The following LRRFIP1 variants were observed in gnomAD, a reference collection of about 807,000 sequenced individuals.
LRRFIP1 encodes LRR binding FLII interacting protein 1, also known as leucine-rich repeat flightless-interacting protein 1.
Under a neutral mutation model 104.4 loss-of-function variants are expected in LRRFIP1, and 62 were observed. The ratio of observed to expected loss-of-function variants is 0.59; its 90% CI spans 0.48 to 0.73. The LOEUF is 0.73. LRRFIP1 is among the 30% of genes least tolerant of loss of function. The pLI, the probability that LRRFIP1 is intolerant of heterozygous loss-of-function variation, is 0.00. For missense variants in LRRFIP1, 796 were observed against 824.5 expected (o/e 0.97, Z 0.42); for synonymous variants, 300 against 299.0 (o/e 1.00, Z -0.03).
chr2:237,729,439 C>T (rs1037739579), intron 8 of LRRFIP1, among the ~76,000 whole-genome samples: 1 of 127,928 alleles, frequency 7.8e-6, no homozygotes, highest in Non-Finnish European at 1.5e-5. Flanking sequence ...TTTTAGTTAC[C>T]CAAGGAGATA....
intron 7 of LRRFIP1, among the ~76,000 whole-genome samples, chr2:237,727,264 G>T (rs542699773): frequency 4.0e-5 from 6 of 151,492 alleles, no homozygotes; most frequent in African/African-American, 9.7e-5. Context: ...GCTGAGGCAG[G>T]AGAATCACTT....
chr2:237,771,334 C>T (rs2060607523), intron 20 of LRRFIP1, among the ~76,000 whole-genome samples: 1 of 149,300 alleles, frequency 6.7e-6, no homozygotes, highest in African/African-American at 2.5e-5. Flanking sequence ...ATAAATTCCG[C>T]AAAGTTCCAA....
intron 1 of LRRFIP1, among the ~76,000 whole-genome samples, chr2:237,632,136 C>G (rs924182739): frequency 6.6e-6 from 1 of 152,160 alleles, no homozygotes; most frequent in Non-Finnish European, 1.5e-5. Flanking sequence ...CGCACTGCCC[C>G]CAAGGAGTCC....
chr2:237,738,728 G>GGTA (rs1412798831), intron 10 of LRRFIP1, among the ~76,000 whole-genome samples: 1 of 152,216 alleles, frequency 6.6e-6, no homozygotes, highest in East Asian at 1.9e-4. Context: ...CCAGGTAGAA[G>GGTA]GTAATCTGGC....
intron 13 of LRRFIP1, among the ~76,000 whole-genome samples, chr2:237,749,589 C>T (rs2058327725): frequency 6.6e-6 from 1 of 152,060 alleles, no homozygotes; most frequent in South Asian, 2.1e-4. Context: ...CCGGGGAATA[C>T]CTTAGTGAGA....
chr2:237,630,458 G>A (rs1166193097), intron 1 of LRRFIP1, among the ~76,000 whole-genome samples: 2 of 152,332 alleles, frequency 1.3e-5, no homozygotes, highest in East Asian at 3.9e-4. Flanking sequence ...GAAAGGGGTT[G>A]ACACCTGTAG....
Position 237,669,529 on chromosome 2 carries a change from A to C in LRRFIP1, c.97-39015A>C, listed in dbSNP as rs577634672. On this transcript the variant is annotated intron_variant, in intron 1 of 23. Coordinates refer to ENST00000308482, the MANE Select transcript of LRRFIP1 (RefSeq NM_001137550.2). ...ATTAACCTTTTTCATAGTTGTTGCA[A>C]ATATTTTTTTTCAGTTTAGATTAGG... 4.6e-5 allele frequency among the ~76,000 whole-genome samples: 7 copies of C among 152,316 alleles called. No individual in the cohort carries two copies. The East Asian group carries it at 9.6e-4, about 21-fold the overall frequency.
rs1056385697 is a variant in LRRFIP1, at chr2:237,750,623, G to A, written c.796-577G>A. 3.9e-5 allele frequency among the ~76,000 whole-genome samples: 6 copies of A among 152,074 alleles called. No individual in the cohort carries two copies. In the East Asian group the frequency reaches 9.7e-4, roughly 24 times the overall value. Reference sequence around the variant, plus strand: ...AGTGCTGGGATTCCAGGCGTGAGCCGCTGCGCCTGGCCTGTTGTTTCCGTT... The same window carrying A: ...AGTGCTGGGATTCCAGGCGTGAGCCACTGCGCCTGGCCTGTTGTTTCCGTT... On this transcript the variant is annotated intron_variant, in intron 13 of 23. Coordinates refer to ENST00000308482, the MANE Select transcript of LRRFIP1 (RefSeq NM_001137550.2).
chr2:237,635,415 G>C (rs1053461294), intron 1 of LRRFIP1, among the ~76,000 whole-genome samples: 9 of 152,228 alleles, frequency 5.9e-5, no homozygotes, highest in Admixed American at 1.3e-4. Flanking sequence ...AATGAAAGGA[G>C]TGTGGGGATG....
intron 19 of LRRFIP1, among the ~76,000 whole-genome samples, chr2:237,767,548 C>A (rs1025120022): frequency 4.5e-4 from 68 of 152,150 alleles, no homozygotes; most frequent in African/African-American, 1.6e-3. Context: ...GGTTGTTATA[C>A]AAAGTTGGGA....
At chr2:237,763,605 A>T in intron 19 of LRRFIP1, 1 of 1,613,758 alleles carries the variant, frequency 6.2e-7, no homozygotes, top group Non-Finnish European at 8.5e-7. Flanking sequence ...GAAAATCCAA[A>T]ACAGAAAATT....
In LRRFIP1 at chr2:237,627,794, C is replaced by A. The variant is rs1274913431; in HGVS notation, c.96+54C>A. On this transcript the variant is annotated intron_variant, in intron 1 of 23. Coordinates refer to ENST00000308482, the MANE Select transcript of LRRFIP1 (RefSeq NM_001137550.2). ...GCGCCGGGCGGGCGCGGGGGCCGGA[C>A]GGCTGTCAGGGTCTCTCCGGCGTCC... 1.3e-5 allele frequency: 14 copies of A among 1,090,276 alleles called. No homozygotes were observed. The South Asian group carries it at 2.6e-4, about 20-fold the overall frequency. 67.5% of individuals were successfully genotyped at this position (1,090,276 alleles called of 1,614,324 possible). A position where few individuals can be genotyped will look rare whatever the true frequency, so the allele number is the denominator to read the frequency against.
In LRRFIP1 at chr2:237,717,718, G is replaced by A. The variant is rs1469543011; in HGVS notation, c.202-44G>A. On this transcript the variant is annotated intron_variant, in intron 3 of 23. Coordinates refer to ENST00000308482, the MANE Select transcript of LRRFIP1 (RefSeq NM_001137550.2). The surrounding 1 kb of genome is among the most constrained non-coding windows in gnomAD (Gnocchi z 4.2). ...GTGCCTTAGACAACTGCCTTTTTAA[G>A]AAATTTCACTTCTTGCCTAATTTTC... 1 of 1,476,826 alleles carries A rather than the reference G, an allele frequency of 6.8e-7. No individual in the cohort carries two copies. Among genetic ancestry groups the A allele is most frequent in the African/African-American group, 1.4e-5 (1 of 72,080 alleles). 91.5% of individuals were successfully genotyped at this position (1,476,826 alleles called of 1,614,324 possible).
chr2:237,699,358 T>C (rs1178093951), intron 1 of LRRFIP1, among the ~76,000 whole-genome samples: 2 of 149,366 alleles, frequency 1.3e-5, no homozygotes, highest in Non-Finnish European at 2.9e-5. Context: ...TTTTTTTTTT[T>C]TTCTTTTTTT....
At chr2:237,752,161 T>C (rs1462841578) in intron 14 of LRRFIP1, among the ~76,000 whole-genome samples, 1 of 152,154 alleles carries the variant, frequency 6.6e-6, no homozygotes, top group African/African-American at 2.4e-5. Context: ...AATTCCACAC[T>C]TTGGGAGGCC....
At chr2:237,773,006 A>G (rs1170367430) in intron 22 of LRRFIP1, 61 bp downstream of exon 22, 1 of 1,393,130 alleles carries the variant, frequency 7.2e-7, no homozygotes, top group Non-Finnish European at 1.0e-6. Flanking sequence ...TGCTAGAAAT[A>G]GCCCTGAAAG....
At chr2:237,669,455 G>A (rs182699279) in intron 1 of LRRFIP1, among the ~76,000 whole-genome samples, 3 of 152,300 alleles carry the variant, frequency 2.0e-5, no homozygotes, top group Admixed American at 6.5e-5. Flanking sequence ...TCGTCAAAAC[G>A]TGTCTTAGAG....
At chr2:237,725,817 C>T (rs1224718032) in intron 7 of LRRFIP1, among the ~76,000 whole-genome samples, 2 of 152,208 alleles carry the variant, frequency 1.3e-5, no homozygotes, top group African/African-American at 2.4e-5. Flanking sequence ...TCTGCTCCGT[C>T]GCTGCAGGCT....
At chr2:237,663,016 C>T (rs1410135531) in intron 1 of LRRFIP1, among the ~76,000 whole-genome samples, 1 of 152,194 alleles carries the variant, frequency 6.6e-6, no homozygotes, top group Admixed American at 6.5e-5. Flanking sequence ...TGAGGTGCTG[C>T]TCTCTGCCTG....
Sources: gnomAD v4.1 joint callset for allele counts (sites outside exome capture counted in the v4.1 genomes callset) on GRCh38, gnomAD v4.1.1 for gene constraint, Gnocchi (gnomAD v3.1) non-coding constraint, MANE v1.5 for transcripts, NCBI Gene and HGNC (gene_info 2026-07-23, HGNC 2026-07-21) for gene names.